Variants in LCN2 observed in about 807,000 individuals in gnomAD.
LCN2 encodes lipocalin 2, also known as neutrophil gelatinase-associated lipocalin.
In LCN2, 27 loss-of-function variants were observed where a neutral mutation model predicts 26.4. The ratio of observed to expected loss-of-function variants is 1.02; its 90% CI spans 0.76 to 1.41. The LOEUF is 1.41. Among genes scored for constraint, LCN2 ranks in the 40% most tolerant of loss-of-function variants. LCN2 has a pLI of 0.00. For missense variants in LCN2, 224 were observed against 237.6 expected, an observed-to-expected ratio of 0.94 and a Z score of 0.38; for synonymous variants, 94 against 98.9, an observed-to-expected ratio of 0.95 and a Z score of 0.30.
At chr9:128,151,393 G>C in intron 2 of LCN2, 1 of 604,574 alleles carries the variant, frequency 1.7e-6, no homozygotes, top group East Asian at 2.8e-5. Context: ...TGGAGGGTCT[G>C]AGTGGGGTCC....
chr9:128,150,267 G>A lies in LCN2; in HGVS notation c.168G>A (p.Leu56=), dbSNP rs1275626038. 6.2e-7 allele frequency: 1 copy of A among 1,614,032 alleles called. No homozygotes were observed. Among genetic ancestry groups the A allele is most frequent in the East Asian group, 2.2e-5 (1 of 44,892 alleles). The change falls in exon 2 of 7, where the codon CTG becomes CTA. Residue 56 remains leucine (L), a synonymous_variant. Transcript: ENST00000277480. The stretch of plus-strand genomic sequence containing the variant: ...AGGGGAAGTGGTATGTGGTAGGCCT[G>A]GCAGGGAATGCAATTCTCAGAGAAG... ...QFQGKWYVVG[L]AGNAILREDK... is the part of the protein sequence containing the mutation.
At position 128,153,021 on chromosome 9, in the gene LCN2, AG is replaced by A; in HGVS notation, c.578-78del. 6.2e-7 allele frequency: 1 copy of A among 1,605,970 alleles called. No individual in the cohort carries two copies. ...CCAGGGGCAGTGCAGAGGACCTGGCAGTCAGGGATCACACACACACACTCAT... is the reference window on the plus strand; with the variant it reads ...CCAGGGGCAGTGCAGAGGACCTGGCATCAGGGATCACACACACACACTCAT... On this transcript the variant is annotated intron_variant, in intron 5 of 6. Transcript: ENST00000277480. This position sits in a 1 kb window ranked among gnomAD's most constrained non-coding sequence, Gnocchi z 5.4.
chr9:128,151,609 C>T, intron 2 of LCN2, 29 bp from the exon 3 acceptor site: 2 of 1,589,596 alleles, frequency 1.3e-6, no homozygotes, highest in South Asian at 1.1e-5. Flanking sequence ...GTTGTCTCCC[C>T]TCTCACCCAC....
chr9:128,150,315 T>C lies in LCN2; in HGVS notation c.216T>C (p.Tyr72=), dbSNP rs751702876. ...LREDKDPQKM[Y]ATIYELKEDK... is the part of the protein sequence containing the mutation. Reference sequence around the variant, plus strand: ...AAGACAAAGACCCGCAAAAGATGTATGCCACCATCTATGAGCTGAAAGAAG... The same window carrying C: ...AAGACAAAGACCCGCAAAAGATGTACGCCACCATCTATGAGCTGAAAGAAG... Residue 72 remains tyrosine, a synonymous_variant, in exon 2 of 7, where the codon TAT becomes TAC. Transcript: ENST00000277480. 72 of 1,614,168 alleles carry C rather than the reference T, an allele frequency of 4.5e-5. No individual in the cohort carries two copies. In the Middle Eastern group the frequency reaches 6.6e-4, roughly 15 times the overall value.
Position 128,153,050 on chromosome 9 carries a change from A to G in LCN2, c.578-50A>G, listed in dbSNP as rs775060381. 1.9e-5 allele frequency: 31 copies of G among 1,612,816 alleles called. No individual in the cohort carries two copies. Among genetic ancestry groups the G allele is most frequent in the Non-Finnish European group, 2.5e-5 (30 of 1,179,510 alleles). On this transcript the variant is annotated intron_variant, in intron 5 of 6. Coordinates refer to ENST00000277480, the MANE Select transcript of LCN2 (RefSeq NM_005564.5). This position sits in a 1 kb window ranked among gnomAD's most constrained non-coding sequence, Gnocchi z 5.4. ...AGGGATCACACACACACACTCATACACGCACACACACACACAGCTGCCTGT... is the reference window on the plus strand; with the variant it reads ...AGGGATCACACACACACACTCATACGCGCACACACACACACAGCTGCCTGT...
chr9:128,153,433 A>ATTTTTT lies in LCN2; in HGVS notation c.*130_*131insTTTTTT. ...CTGATGGAGCCCCACCTTGTCTGCT[A>ATTTTTT]AATAAACATGTGCCCTCAGGCCTCT... On this transcript the variant is annotated 3_prime_UTR_variant, in exon 7 of 7. Transcript: ENST00000277480. The surrounding 1 kb of genome is among the most constrained non-coding windows in gnomAD (Gnocchi z 5.4). 1 of 510,950 alleles carries ATTTTTT rather than the reference A, an allele frequency of 2.0e-6. No homozygotes were observed. The highest frequency in any genetic ancestry group is 3.6e-6 in the Non-Finnish European group (1 of 278,328). The allele number at this position is 510,950 out of a possible 1,614,324, so 31.7% of individuals were successfully genotyped here.
chr9:128,151,608 C>A, intron 2 of LCN2, 30 bp from the exon 3 acceptor site: 1 of 1,582,924 alleles, frequency 6.3e-7, no homozygotes, highest in South Asian at 1.1e-5. Context: ...GGTTGTCTCC[C>A]CTCTCACCCA....
At chr9:128,151,563 G>GC in intron 2 of LCN2, 75 bp from the exon 3 acceptor site, 1 of 1,175,390 alleles carries the variant, frequency 8.5e-7, no homozygotes, top group Non-Finnish European at 1.3e-6. Flanking sequence ...TGCTGCCCTG[G>GC]CCCCACCTTG....
At position 128,153,171 on chromosome 9, in the gene LCN2, G is replaced by A. The variant is rs767106988; in HGVS notation, c.*7+45G>A. ...TGCGAGGGGGCTTGTGGGAGGCCAG[G>A]GTGCAGTGGGCTGGGGGTCTTGGGC... On this transcript the variant is annotated intron_variant, in intron 6 of 6. Transcript: ENST00000277480. The surrounding 1 kb of genome is among the most constrained non-coding windows in gnomAD (Gnocchi z 5.4). 32 of 1,612,338 alleles carry A rather than the reference G, an allele frequency of 2.0e-5. No homozygotes were observed. Among genetic ancestry groups the A allele is most frequent in the Non-Finnish European group, 2.7e-5 (32 of 1,178,896 alleles).
chr9:128,150,443 G>A, intron 2 of LCN2, 69 bp downstream of exon 2: 1 of 1,597,984 alleles, frequency 6.3e-7, no homozygotes, highest in Non-Finnish European at 8.6e-7. Context: ...GGCCAAAGCT[G>A]AGGGATCCTG....
At chr9:128,152,373 C>T in intron 5 of LCN2, 89 bp downstream of exon 5, 3 of 1,135,640 alleles carry the variant, frequency 2.6e-6, no homozygotes, top group African/African-American at 1.5e-5. Context: ...AGGAGGGACT[C>T]CGTCCTCAGC....
chr9:128,152,635 G>A lies in LCN2; in HGVS notation c.577+351G>A, dbSNP rs147948022. 2.6e-4 allele frequency among the ~76,000 whole-genome samples: 40 copies of A among 152,108 alleles called. No homozygotes were observed. In the East Asian group the frequency reaches 5.2e-3, roughly 20 times the overall value. The stretch of plus-strand genomic sequence containing the variant: ...CCCCTTGTTCTGGGCCATCTCCCCC[G>A]ACCCTCCCAGGCCTCGTCACCCTGG... On this transcript the variant is annotated intron_variant, in intron 5 of 6. Transcript: ENST00000277480.
intron 5 of LCN2, 64 bp downstream of exon 5, chr9:128,152,348 C>G: frequency 2.1e-6 from 3 of 1,411,650 alleles, no homozygotes; most frequent in Non-Finnish European, 2.0e-6. Flanking sequence ...TGCTTCCCTA[C>G]CAGGGATCAG....
chr9:128,151,604 C>T (rs777599702), intron 2 of LCN2, 34 bp from the exon 3 acceptor site: 1 of 1,568,466 alleles, frequency 6.4e-7, no homozygotes, highest in Non-Finnish European at 8.8e-7. Context: ...CCTGGGTTGT[C>T]TCCCCTCTCA....
chr9:128,150,329 A>G lies in LCN2; in HGVS notation c.230A>G (p.Glu77Gly). ...DPQKMYATIY[E>G]LKEDKSYNVT... ...CAAAAGATGTATGCCACCATCTATG[A>G]GCTGAAAGAAGACAAGAGCTACAAT... is the stretch of plus-strand genomic sequence containing the variant. Residue 77 changes from glutamate (E) to glycine (G), a missense_variant, in exon 2 of 7, where the codon GAG becomes GGG. Physicochemically the swap from Glu to Gly is moderately conservative, Grantham distance 98. Coordinates refer to ENST00000277480, the MANE Select transcript of LCN2 (RefSeq NM_005564.5). 6.2e-7 allele frequency: 1 copy of G among 1,614,176 alleles called. No homozygotes were observed. The highest frequency in any genetic ancestry group is 8.5e-7 in the Non-Finnish European group (1 of 1,180,042).
At chr9:128,151,153 G>T (rs961872148) in intron 2 of LCN2, among the ~76,000 whole-genome samples, 1 of 152,094 alleles carries the variant, frequency 6.6e-6, no homozygotes, top group African/African-American at 2.4e-5. Flanking sequence ...GGGTGCCAGG[G>T]GATGGGAAGT....
chr9:128,150,368 T>C lies in LCN2; in HGVS notation c.269T>C (p.Leu90Pro), dbSNP rs755504808. 3.3e-5 allele frequency: 53 copies of C among 1,614,054 alleles called. No individual in the cohort carries two copies. The highest frequency in any genetic ancestry group is 4.3e-5 in the Non-Finnish European group (51 of 1,180,026). ...AAGAGCTACAATGTCACCTCCGTCC[T>C]GTTTAGGTGAGGGCCGACATCTCCT... ...EDKSYNVTSV[L>P]FRKKKCDYWI... Residue 90 changes from leucine (L) to proline (P), a missense_variant, in exon 2 of 7, where the codon CTG becomes CCG. Leu to Pro is a moderately conservative substitution (Grantham distance 98). Transcript: ENST00000277480.
rs11794980 is a variant in LCN2 at position 128,151,891 on chromosome 9, C to T, written c.356-15C>T. On this transcript the variant is annotated splice_polypyrimidine_tract_variant and intron_variant, in intron 3 of 6. Coordinates refer to ENST00000277480, the MANE Select transcript of LCN2 (RefSeq NM_005564.5). ...ATCCAGGGCAGGGCTGACCCCTCAC[C>T]GTCCACGCCTGCAGGTTACCCTGGA... 9.9e-6 allele frequency: 16 copies of T among 1,613,584 alleles called. No homozygotes were observed. Among genetic ancestry groups the T allele is most frequent in the African/African-American group, 2.7e-5 (2 of 74,900 alleles).
intron 5 of LCN2, 100 bp downstream of exon 5, chr9:128,152,384 T>G (rs1417746245): frequency 9.6e-7 from 1 of 1,039,872 alleles, no homozygotes; most frequent in East Asian, 2.5e-5. Flanking sequence ...CGTCCTCAGC[T>G]TCAGTCACTG....
Sources: gnomAD v4.1 joint callset for allele counts (sites outside exome capture counted in the v4.1 genomes callset) on GRCh38, gnomAD v4.1.1 for gene constraint, Gnocchi (gnomAD v3.1) non-coding constraint, MANE v1.5 for transcripts, NCBI Gene and HGNC (gene_info 2026-07-23, HGNC 2026-07-21) for gene names.